Variants in LOXL4 observed in about 807,000 individuals in gnomAD.
LOXL4 encodes the protein lysyl oxidase homolog 4.
In LOXL4, 72 loss-of-function variants were observed where a neutral mutation model predicts 89.1. The ratio of observed to expected loss-of-function variants is 0.81; its 90% CI spans 0.67 to 0.98. The LOEUF (loss-of-function observed/expected upper bound fraction) is 0.98. Ranked by LOEUF, LOXL4 falls within the 50% of genes least tolerant of loss-of-function variation. The pLI is 0.00. For synonymous variants in LOXL4, 355 were observed against 392.1 expected (o/e 0.91, Z 1.12); for missense variants, 984 against 1,017.5 (o/e 0.97, Z 0.45).
At chr10:98,249,505 G>A (rs1439083190) in intron 14 of LOXL4, among the ~76,000 whole-genome samples, 5 of 152,216 alleles carry the variant, frequency 3.3e-5, no homozygotes, top group African/African-American at 1.2e-4. Flanking sequence ...AGCAGCCCTT[G>A]CCCCTCTTCA....
At chr10:98,264,081 C>A (rs888088435) in intron 1 of LOXL4, among the ~76,000 whole-genome samples, 8 of 151,808 alleles carry the variant, frequency 5.3e-5, no homozygotes, top group Admixed American at 2.6e-4. Context: ...TCATCTGGAT[C>A]CCTCCTGCAG....
At chr10:98,256,081 G>A (rs1208075989) in intron 9 of LOXL4, 9 of 236,628 alleles carry the variant, frequency 3.8e-5, no homozygotes, top group Non-Finnish European at 5.7e-5. Context: ...CTCCTCAAGC[G>A]GCCCAGATCG....
chr10:98,266,657 T>C (rs1858694718), intron 1 of LOXL4, among the ~76,000 whole-genome samples: 1 of 152,136 alleles, frequency 6.6e-6, no homozygotes, highest in African/African-American at 2.4e-5. Context: ...TTATTGGCCT[T>C]CCTGCCCACT....
intron 12 of LOXL4, among the ~76,000 whole-genome samples, 163 bp from the exon 13 acceptor site, chr10:98,251,865 A>T (rs754545624): frequency 6.6e-6 from 1 of 152,226 alleles, no homozygotes; most frequent in Non-Finnish European, 1.5e-5. Context: ...CCACATTGTG[A>T]CAAAGATAGG....
At position 98,262,910 on chromosome 10, in the gene LOXL4, G is replaced by C. The variant is rs1371569891; in HGVS notation, c.110C>G (p.Pro37Arg). The change falls in exon 2 of 15, where the codon CCA becomes CGA. Residue 37 changes from proline (P) to arginine (R), a missense_variant. Physicochemically the swap from Pro to Arg is moderately radical, Grantham distance 103 (BLOSUM62 -2). Coordinates refer to ENST00000260702, the MANE Select transcript of LOXL4 (RefSeq NM_032211.7). ...GCGGCCCTCCTCTGGCTTGCTCTCT[G>C]GGCCCACCAGCCGGAGCTTAGTGGT... ...LGTTKLRLVG[P>R]ESKPEEGRLE... 3 of 1,613,588 alleles carry C rather than the reference G, an allele frequency of 1.9e-6. No homozygotes were observed. The African/African-American group carries it at 4.0e-5, about 22-fold the overall frequency.
At chr10:98,255,980 T>C (rs936105243) in intron 9 of LOXL4, 2 of 465,392 alleles carry the variant, frequency 4.3e-6, no homozygotes, top group Non-Finnish European at 7.7e-6. Context: ...CTTCCACTAC[T>C]GGCCCTACAC....
At chr10:98,262,286 C>T (rs951666207) in intron 2 of LOXL4, 73 bp from the exon 3 acceptor site, 2 of 1,497,936 alleles carry the variant, frequency 1.3e-6, no homozygotes, top group Non-Finnish European at 1.8e-6. Flanking sequence ...GCATAGGACC[C>T]CACACTTACC....
rs982887736 is a variant in LOXL4 at position 98,251,559 on chromosome 10, G to T, written c.2088+7C>A. The T allele has an allele frequency of 1.9e-6, 3 of 1,613,814 alleles. No individual in the cohort carries two copies. The highest frequency in any genetic ancestry group is 3.3e-5 in the Admixed American group (2 of 59,964). ...AGGCTCTGTGGGGAATCCCCCAGCCGCCTTACCTGGAAGATATAATTCCCG... is the reference window on the plus strand; with the variant it reads ...AGGCTCTGTGGGGAATCCCCCAGCCTCCTTACCTGGAAGATATAATTCCCG... On this transcript the variant is annotated splice_region_variant and intron_variant, in intron 13 of 14. Coordinates refer to ENST00000260702, the MANE Select transcript of LOXL4 (RefSeq NM_032211.7).
intron 1 of LOXL4, among the ~76,000 whole-genome samples, chr10:98,264,438 G>T (rs11592020): frequency 0.31 from 46,507 of 149,676 alleles, 7,414 homozygotes; most frequent in Non-Finnish European, 0.35. Context: ...GTTTGGAGGG[G>T]AAAGAGATGG....
At position 98,262,914 on chromosome 10, in the gene LOXL4, C is replaced by A; in HGVS notation, c.106G>T (p.Gly36Cys). 6.2e-7 allele frequency: 1 copy of A among 1,613,572 alleles called. No individual in the cohort carries two copies. The highest frequency in any genetic ancestry group is 1.3e-5 in the African/African-American group (1 of 75,044). Residue 36 changes from glycine (G) to cysteine (C), a missense_variant, in exon 2 of 15, where the codon GGC becomes TGC. Coordinates refer to ENST00000260702, the MANE Select transcript of LOXL4 (RefSeq NM_032211.7). ...SLGTTKLRLV[G>C]PESKPEEGRL... ...CCCTCCTCTGGCTTGCTCTCTGGGCCCACCAGCCGGAGCTTAGTGGTGCCC... is the reference window on the plus strand; with the variant it reads ...CCCTCCTCTGGCTTGCTCTCTGGGCACACCAGCCGGAGCTTAGTGGTGCCC...
At chr10:98,262,553 G>A (rs1234377798) in intron 2 of LOXL4, among the ~76,000 whole-genome samples, 190 bp downstream of exon 2, 1 of 152,202 alleles carries the variant, frequency 6.6e-6, no homozygotes, top group Non-Finnish European at 1.5e-5. Context: ...TGGTGACGGC[G>A]GTGGCCTTAT....
chr10:98,255,931 TC>T, intron 9 of LOXL4, 192 bp from the exon 10 acceptor site: 1 of 564,480 alleles, frequency 1.8e-6, no homozygotes, highest in Non-Finnish European at 3.0e-6. Flanking sequence ...ATGTTAGAAA[TC>T]CCCACCACAT....
chr10:98,250,151 G>A (rs749201110), intron 14 of LOXL4, among the ~76,000 whole-genome samples: 1 of 152,160 alleles, frequency 6.6e-6, no homozygotes, highest in Non-Finnish European at 1.5e-5. Context: ...ACTGGATTCG[G>A]GTGACGCCTT....
chr10:98,263,159 A>ACTGT, intron 1 of LOXL4, 108 bp from the exon 2 acceptor site: 1 of 562,544 alleles, frequency 1.8e-6, no homozygotes, highest in Non-Finnish European at 2.8e-6. Context: ...ACCCCCCTCA[A>ACTGT]ATGTGTGTGT....
At chr10:98,263,825 A>G (rs1858611263) in intron 1 of LOXL4, among the ~76,000 whole-genome samples, 2 of 144,838 alleles carry the variant, frequency 1.4e-5, no homozygotes, top group South Asian at 4.4e-4. Context: ...TCCGCCTCCC[A>G]GGTTTAAGCA....
intron 11 of LOXL4, among the ~76,000 whole-genome samples, chr10:98,252,767 G>C (rs962003819): frequency 3.3e-5 from 5 of 152,176 alleles, no homozygotes; most frequent in Non-Finnish European, 5.9e-5. Flanking sequence ...GCCTGAACTG[G>C]GGGGAGAGGC....
At chr10:98,266,018 G>A (rs1436251663) in intron 1 of LOXL4, among the ~76,000 whole-genome samples, 1 of 152,148 alleles carries the variant, frequency 6.6e-6, no homozygotes, top group African/African-American at 2.4e-5. Flanking sequence ...ATGTCACTCA[G>A]AGGCTTGTGG....
chr10:98,262,960 AG>A lies in LOXL4; in HGVS notation c.59del (p.Pro20LeufsTer61), dbSNP rs1564762130. 8 of 1,613,486 alleles carry A rather than the reference AG, an allele frequency of 5.0e-6. No individual in the cohort carries two copies. The highest frequency in any genetic ancestry group is 1.1e-5 in the South Asian group (1 of 91,076). ...TGCCCAGTGACTGTGGCCTGCTGGG[AG>A]GGGGCTGGCCTAGCAGCAGCAGGAA... ...FLFLLLLGQP[P>X]PSRPQSLGTT... On this transcript the variant is annotated frameshift_variant, in exon 2 of 15. Coordinates refer to ENST00000260702, the MANE Select transcript of LOXL4 (RefSeq NM_032211.7). LOFTEE classifies it high-confidence loss of function.
Position 98,261,106 on chromosome 10 carries a change from G to T in LOXL4, c.478C>A (p.Arg160=). 1 of 1,612,728 alleles carries T rather than the reference G, an allele frequency of 6.2e-7. No individual in the cohort carries two copies. The highest frequency in any genetic ancestry group is 8.5e-7 in the Non-Finnish European group (1 of 1,180,012). ...GCACTGGCAAGGATGGGCTTGAGCC[G>T]CACCTCCTCCAGCCGCCGGCCCTGC... The part of the protein sequence containing the change: ...GPQGRRLEEV[R]LKPILASAKQ... Residue 160 remains arginine, a synonymous_variant, in exon 4 of 15, where the codon CGG becomes AGG. Coordinates refer to ENST00000260702, the MANE Select transcript of LOXL4 (RefSeq NM_032211.7).
Sources: allele counts gnomAD v4.1 joint callset (sites outside exome capture counted in the v4.1 genomes callset), GRCh38; gene constraint gnomAD v4.1.1; transcripts MANE v1.5; gene names NCBI Gene and HGNC (gene_info 2026-07-23, HGNC 2026-07-21).